Variants in EYS observed in about 807,000 individuals in gnomAD.
EYS encodes protein eyes shut homolog.
Under a neutral mutation model 282.1 loss-of-function variants are expected in EYS, and 250 were observed. The ratio of observed to expected loss-of-function variants is 0.89; its 90% CI spans 0.80 to 0.98. The LOEUF (loss-of-function observed/expected upper bound fraction) is 0.98. Among genes scored for constraint, EYS ranks in the 50% least tolerant of loss-of-function variants. The pLI, the probability that EYS is intolerant of heterozygous loss-of-function variation, is 0.00. For missense variants in EYS, 4,016 were observed against 3,709.0 expected, an observed-to-expected ratio of 1.08 and a Z score of -2.15; for synonymous variants, 1,355 against 1,282.9, an observed-to-expected ratio of 1.06 and a Z score of -1.20.
intron 19 of EYS, among the ~76,000 whole-genome samples, chr6:64,846,101 T>C (rs1383065304): frequency 6.6e-6 from 1 of 152,192 alleles, no homozygotes; most frequent in Non-Finnish European, 1.5e-5. Flanking sequence ...TCAATAACTC[T>C]CTGTTTATCC....
rs539913563 is a variant in EYS, at chr6:65,085,942, A to T, written c.2024-28215T>A. 3.9e-5 allele frequency among the ~76,000 whole-genome samples: 4 copies of T among 102,244 alleles called. No homozygotes were observed. In the South Asian group the frequency reaches 1.1e-3, roughly 28 times the overall value. The allele number at this position is 102,244 out of a possible 152,430, so 67.1% of individuals were successfully genotyped here. On this transcript the variant is annotated intron_variant, in intron 12 of 42. Coordinates refer to ENST00000503581, the MANE Select transcript of EYS (RefSeq NM_001142800.2). ...TATATTTCTCTCCCTTCCCTTCCCA[A>T]AATTAATCTCTCCCTTCTCTACGTC...
intron 12 of EYS, among the ~76,000 whole-genome samples, chr6:65,291,704 A>G (rs1003173595): frequency 3.3e-5 from 5 of 151,616 alleles, no homozygotes; most frequent in African/African-American, 1.2e-4. Flanking sequence ...GAGACAGATC[A>G]GCTCTGTGGA....
At chr6:64,960,115 C>G (rs543649488) in intron 14 of EYS, among the ~76,000 whole-genome samples, 1 of 152,054 alleles carries the variant, frequency 6.6e-6, no homozygotes, top group Non-Finnish European at 1.5e-5. Context: ...AGTGGAGTCT[C>G]TAAGGCTAAG....
intron 12 of EYS, among the ~76,000 whole-genome samples, chr6:65,198,193 A>G (rs1765815223): frequency 6.6e-6 from 1 of 151,974 alleles, no homozygotes; most frequent in African/African-American, 2.4e-5. Context: ...CATCAATATC[A>G]CTGTCTTCTA....
At chr6:63,763,870 T>TTATATATATATATA (rs55668347) in intron 40 of EYS, among the ~76,000 whole-genome samples, 295 of 129,586 alleles carry the variant, frequency 2.3e-3, no homozygotes, top group African/African-American at 7.4e-3. Context: ...TTATATCTTG[T>TTATATATATATATA]TATATATATA....
intron 8 of EYS, among the ~76,000 whole-genome samples, chr6:65,372,646 G>A (rs1017786451): frequency 1.3e-5 from 2 of 151,944 alleles, no homozygotes; most frequent in African/African-American, 2.4e-5. Flanking sequence ...AGCAACAATT[G>A]TTTTATCATT....
At position 65,511,364 on chromosome 6, in the gene EYS, T is replaced by TGAGA. The variant is rs1207797766; in HGVS notation, c.-332-15372_-332-15371insTCTC. On this transcript the variant is annotated intron_variant, in intron 2 of 42. Transcript: ENST00000503581. ...TTCTGTGTGTGTGTGTGTGTGTGTG[T>TGAGA]GTGAGAGAGAGAGAGAGAGAGAAAA... is the stretch of plus-strand genomic sequence containing the variant. Among the ~76,000 whole-genome samples the TGAGA allele has an allele frequency of 8.9e-5, 13 of 146,298 alleles. No individual in the cohort carries two copies. In the Admixed American group the frequency reaches 9.0e-4, roughly 10 times the overall value.
intron 12 of EYS, among the ~76,000 whole-genome samples, chr6:65,077,873 T>G (rs2150169833): frequency 6.6e-6 from 1 of 152,264 alleles, no homozygotes; most frequent in Non-Finnish European, 1.5e-5. Context: ...TACTTTGAGA[T>G]AATTTTAATG....
chr6:65,023,210 A>T (rs1289389027), intron 13 of EYS, among the ~76,000 whole-genome samples: 1 of 152,178 alleles, frequency 6.6e-6, no homozygotes, highest in African/African-American at 2.4e-5. Context: ...AACTTATAGT[A>T]AGTTAATATT....
At chr6:65,223,447 C>T (rs1419510308) in intron 12 of EYS, among the ~76,000 whole-genome samples, 3 of 152,100 alleles carry the variant, frequency 2.0e-5, no homozygotes, top group Non-Finnish European at 4.4e-5. Flanking sequence ...TTTTAACTTA[C>T]CTTCTATCAT....
intron 41 of EYS, among the ~76,000 whole-genome samples, chr6:63,728,495 C>G (rs1242197944): frequency 6.6e-6 from 1 of 151,972 alleles, no homozygotes; most frequent in Non-Finnish European, 1.5e-5. Context: ...TACCCCTTGT[C>G]TCAACACATG....
intron 5 of EYS, among the ~76,000 whole-genome samples, chr6:65,449,804 T>C (rs994940740): frequency 5.3e-5 from 8 of 152,066 alleles, no homozygotes; most frequent in Middle Eastern, 3.2e-3. Context: ...ATTCTACTCT[T>C]CTCTGTTTTA....
At chr6:65,619,052 A>C (rs1210561443) in intron 2 of EYS, among the ~76,000 whole-genome samples, 10 of 151,960 alleles carry the variant, frequency 6.6e-5, no homozygotes, top group Non-Finnish European at 1.3e-4. Flanking sequence ...TTTTGGTTCC[A>C]TATGAACTTT....
intron 35 of EYS, among the ~76,000 whole-genome samples, chr6:63,926,930 A>G (rs1479994783): frequency 6.6e-6 from 1 of 152,192 alleles, no homozygotes; most frequent in African/African-American, 2.4e-5. Context: ...GATTTCAATA[A>G]ATATTTGTGG....
chr6:63,774,232 G>A (rs1204950949), intron 40 of EYS, among the ~76,000 whole-genome samples: 4 of 151,308 alleles, frequency 2.6e-5, no homozygotes, highest in African/African-American at 9.7e-5. Context: ...GCAGTGGTGC[G>A]ATCTCAGCTC....
At chr6:65,027,982 G>A (rs1004809683) in intron 13 of EYS, among the ~76,000 whole-genome samples, 5 of 151,930 alleles carry the variant, frequency 3.3e-5, no homozygotes, top group South Asian at 2.1e-4. Context: ...TTATTATGCC[G>A]GATTTCTTTT....
intron 31 of EYS, among the ~76,000 whole-genome samples, chr6:64,190,864 C>A (rs966574959): frequency 1.3e-5 from 2 of 152,110 alleles, no homozygotes; most frequent in Non-Finnish European, 2.9e-5. Context: ...TTTGTAACTA[C>A]CTATTATGTC....
rs770901799 is a variant in EYS at position 65,378,078 on chromosome 6, T to C, written c.1299+6308A>G. ...AGCTTCTGCACAGCAAAGGAAACTATCATCAGAGTGAACAGGCAACCTGCA... is the reference window on the plus strand; with the variant it reads ...AGCTTCTGCACAGCAAAGGAAACTACCATCAGAGTGAACAGGCAACCTGCA... On this transcript the variant is annotated intron_variant, in intron 8 of 42. Transcript: ENST00000503581. Among the ~76,000 whole-genome samples the C allele has an allele frequency of 7.2e-5, 11 of 152,030 alleles. 1 individual carries two copies. Among genetic ancestry groups the C allele is most frequent in the South Asian group, 2.1e-4 (1 of 4,832 alleles).
intron 12 of EYS, among the ~76,000 whole-genome samples, chr6:65,125,639 T>G (rs972276689): frequency 2.6e-5 from 4 of 152,166 alleles, no homozygotes; most frequent in African/African-American, 4.8e-5. Context: ...GGCTTACAGC[T>G]TCTACATCTC....
Sources: allele counts gnomAD v4.1 joint callset (sites outside exome capture counted in the v4.1 genomes callset), GRCh38; gene constraint gnomAD v4.1.1; transcripts MANE v1.5; gene names NCBI Gene and HGNC (gene_info 2026-07-23, HGNC 2026-07-21).